The following RUNX1 variants were observed in gnomAD, a reference collection of about 807,000 sequenced individuals.
RUNX1 encodes the protein RUNX family transcription factor 1.
Under a neutral mutation model 42.8 loss-of-function variants are expected in RUNX1, and 19 were observed. The observed-to-expected ratio is 0.44, with a 90% CI of 0.31 to 0.65. RUNX1 has a LOEUF of 0.65. RUNX1 is among the 30% of genes least tolerant of loss of function. The probability of loss-of-function intolerance (pLI) is 0.07; values close to 1 mark genes in which losing one functional copy is unlikely to be tolerated. For missense variants in RUNX1, 528 were observed against 672.0 expected, an observed-to-expected ratio of 0.79 and a Z score of 2.37; for synonymous variants, 271 against 289.4, an observed-to-expected ratio of 0.94 and a Z score of 0.64.
chr21:34,909,604 A>AAAAAAAAAAAAAAAAAAAAC (rs1357054729), intron 2 of RUNX1, among the ~76,000 whole-genome samples: 1 of 151,394 alleles, frequency 6.6e-6, no homozygotes, highest in African/African-American at 2.4e-5. Flanking sequence ...AAAAAAAAAA[A>AAAAAAAAAAAAAAAAAAAAC]AAAAGATGGT....
At chr21:34,908,625 G>C (rs1361352934) in intron 2 of RUNX1, among the ~76,000 whole-genome samples, 1 of 152,276 alleles carries the variant, frequency 6.6e-6, no homozygotes, top group African/African-American at 2.4e-5. Context: ...GCCAGATAAA[G>C]ACTTCTGCTG....
At chr21:34,998,572 T>C (rs555913147) in intron 2 of RUNX1, among the ~76,000 whole-genome samples, 45 of 152,214 alleles carry the variant, frequency 3.0e-4, no homozygotes, top group East Asian at 5.8e-4. Flanking sequence ...GATGGAGTCT[T>C]GCTCTGTCAC....
chr21:34,938,768 T>C (rs1448931164), intron 2 of RUNX1, among the ~76,000 whole-genome samples: 1 of 152,194 alleles, frequency 6.6e-6, no homozygotes, highest in African/African-American at 2.4e-5. Context: ...CTTGATATAA[T>C]CATTTATTAC....
At chr21:34,935,615 T>C (rs2058479149) in intron 2 of RUNX1, among the ~76,000 whole-genome samples, 1 of 152,052 alleles carries the variant, frequency 6.6e-6, no homozygotes, top group Admixed American at 6.6e-5. Context: ...AACATAGGGT[T>C]TCTCAACCTC....
chr21:34,899,375 G>A (rs907474957), intron 2 of RUNX1, among the ~76,000 whole-genome samples: 2 of 152,064 alleles, frequency 1.3e-5, no homozygotes, highest in African/African-American at 2.4e-5. Flanking sequence ...TGGGATTAAT[G>A]CTCTTATAAG....
intron 6 of RUNX1, among the ~76,000 whole-genome samples, chr21:34,837,924 G>A (rs1364425444): frequency 6.6e-6 from 1 of 152,136 alleles, no homozygotes; most frequent in Admixed American, 6.5e-5. Flanking sequence ...TGAAAAAAAT[G>A]AAAGTACTTG....
chr21:34,800,133 T>C (rs1473073136), intron 7 of RUNX1, among the ~76,000 whole-genome samples: 2 of 152,192 alleles, frequency 1.3e-5, no homozygotes, highest in African/African-American at 2.4e-5. Context: ...TTGCAACTTT[T>C]AAAAGTCAGA....
At chr21:34,849,311 AT>A (rs2057366475) in intron 6 of RUNX1, among the ~76,000 whole-genome samples, 1 of 50,364 alleles carries the variant, frequency 2.0e-5, no homozygotes, top group African/African-American at 7.6e-5. Flanking sequence ...TATAATATAT[AT>A]TATATATATA....
At chr21:34,815,312 T>C (rs7280428) in intron 7 of RUNX1, among the ~76,000 whole-genome samples, 6,754 of 152,238 alleles carry the variant, frequency 0.044, 451 homozygotes, top group African/African-American at 0.15. Flanking sequence ...TCTTCATCCA[T>C]TCAGCTGAAA....
At chr21:35,044,783 G>A (rs1333202326) in intron 2 of RUNX1, among the ~76,000 whole-genome samples, 1 of 152,168 alleles carries the variant, frequency 6.6e-6, no homozygotes, top group Non-Finnish European at 1.5e-5. Flanking sequence ...CTCAGTAAAG[G>A]GCTACATATT....
At chr21:35,023,906 A>G (rs919378722) in intron 2 of RUNX1, among the ~76,000 whole-genome samples, 1 of 150,790 alleles carries the variant, frequency 6.6e-6, no homozygotes, top group East Asian at 1.9e-4. Context: ...GGTGAAATAT[A>G]TTTTATTATA....
intron 2 of RUNX1, among the ~76,000 whole-genome samples, chr21:35,004,607 T>C (rs1379908647): frequency 6.6e-6 from 1 of 152,188 alleles, no homozygotes; most frequent in Non-Finnish European, 1.5e-5. Flanking sequence ...ATTGTTGAAG[T>C]AATCATTTAA....
chr21:34,992,803 C>T (rs972246213), intron 2 of RUNX1, among the ~76,000 whole-genome samples: 1 of 152,224 alleles, frequency 6.6e-6, no homozygotes, highest in African/African-American at 2.4e-5. Flanking sequence ...CAAGCTCAGA[C>T]TCAGCCAGTC....
intron 7 of RUNX1, chr21:34,833,835 T>C (rs2057100117): frequency 4.6e-6 from 1 of 216,730 alleles, no homozygotes; most frequent in Non-Finnish European, 9.6e-6. Flanking sequence ...CTTTAGTAAT[T>C]GCCAGCTAGC....
In RUNX1 at chr21:34,851,589, G is replaced by GT. The variant is rs1383886308; in HGVS notation, c.613+7884dup. ...AAACAGAAGCCTAAATGCAGACAGG[G>GT]TTTTTTTTTTCTTATGGCATGTCAT... On this transcript the variant is annotated intron_variant, in intron 6 of 8. Transcript: ENST00000675419. Among the ~76,000 whole-genome samples the GT allele has an allele frequency of 2.0e-3, 307 of 150,922 alleles. 5 individuals carry two copies. The East Asian group carries it at 0.044, about 21-fold the overall frequency.
intron 7 of RUNX1, 103 bp from the exon 8 acceptor site, chr21:34,799,565 A>C (rs2056580229): frequency 1.0e-6 from 1 of 1,004,414 alleles, no homozygotes; most frequent in African/African-American, 1.6e-5. Flanking sequence ...TGTCACATAC[A>C]TGTATGTGGC....
intron 4 of RUNX1, among the ~76,000 whole-genome samples, chr21:34,882,642 A>T (rs1342475326): frequency 6.6e-6 from 1 of 151,588 alleles, no homozygotes; most frequent in Non-Finnish European, 1.5e-5. Flanking sequence ...TTTTAAAAAG[A>T]TATCACGGAA....
chr21:34,811,428 T>G (rs2056756967), intron 7 of RUNX1, among the ~76,000 whole-genome samples: 1 of 152,184 alleles, frequency 6.6e-6, no homozygotes, highest in Non-Finnish European at 1.5e-5. Flanking sequence ...GCTTCTAGAA[T>G]TCCTTGCAGC....
intron 2 of RUNX1, among the ~76,000 whole-genome samples, chr21:34,987,375 C>T (rs910868159): frequency 8.5e-5 from 13 of 152,166 alleles, no homozygotes; most frequent in Admixed American, 5.9e-4. Flanking sequence ...CAGAGATCTT[C>T]GGGGCTCCAG....
Sources: gnomAD v4.1 joint callset for allele counts (sites outside exome capture counted in the v4.1 genomes callset) on GRCh38, gnomAD v4.1.1 for gene constraint, MANE v1.5 for transcripts, NCBI Gene and HGNC (gene_info 2026-07-23, HGNC 2026-07-21) for gene names.